MYO16: variants seen among roughly 807,000 people sequenced by gnomAD.
MYO16 encodes myosin XVI, also known as unconventional myosin-XVI.
MYO16 carries 94 observed loss-of-function variants against 205.3 expected under a neutral mutation model. That is an observed-to-expected ratio of 0.46 (90% confidence interval 0.39 to 0.54). MYO16 has a LOEUF of 0.54. MYO16 is among the 20% of genes least tolerant of loss of function. The probability of loss-of-function intolerance (pLI) is 0.00; values close to 1 mark genes in which losing one functional copy is unlikely to be tolerated. For synonymous variants in MYO16, 988 were observed against 954.0 expected (o/e 1.04, Z -0.66); for missense variants, 2,315 against 2,387.5 (o/e 0.97, Z 0.63).
intron 11 of MYO16, among the ~76,000 whole-genome samples, chr13:108,863,864 C>G (rs1878575206): frequency 6.6e-6 from 1 of 152,120 alleles, no homozygotes; most frequent in African/African-American, 2.4e-5. Context: ...AGGGAAATAA[C>G]TAATTAGAAT....
intron 4 of MYO16, among the ~76,000 whole-genome samples, chr13:108,782,165 G>A (rs982751834): frequency 6.6e-6 from 1 of 152,216 alleles, no homozygotes; most frequent in Non-Finnish European, 1.5e-5. Context: ...GAACTTCCTA[G>A]AGACTTGTTG....
intron 4 of MYO16, among the ~76,000 whole-genome samples, chr13:108,731,791 TAC>T (rs1445763133): frequency 6.6e-6 from 1 of 152,224 alleles, no homozygotes; most frequent in East Asian, 1.9e-4. Flanking sequence ...TGAGGGAAAT[TAC>T]AGTTTGTTTA....
intron 23 of MYO16, among the ~76,000 whole-genome samples, chr13:109,043,806 A>G (rs897145732): frequency 3.3e-5 from 5 of 152,174 alleles, no homozygotes; most frequent in Non-Finnish European, 5.9e-5. Context: ...AGCAGTGAAC[A>G]TGAGGAAGGA....
At chr13:109,011,494 C>CTTTTTTTTT (rs1885595407) in intron 22 of MYO16, among the ~76,000 whole-genome samples, 1 of 22,286 alleles carries the variant, frequency 4.5e-5, no homozygotes, top group Non-Finnish European at 1.3e-4. Context: ...TTTTTTCTTC[C>CTTTTTTTTT]TTTCTTTTTT....
At chr13:109,012,573 C>G (rs1594468429) in intron 22 of MYO16, among the ~76,000 whole-genome samples, 1 of 152,082 alleles carries the variant, frequency 6.6e-6, no homozygotes. Flanking sequence ...CATCCTGAAA[C>G]CATCCCCCCC....
intron 1 of MYO16, among the ~76,000 whole-genome samples, chr13:108,597,273 T>C (rs1005924764): frequency 2.6e-5 from 4 of 152,176 alleles, no homozygotes; most frequent in Non-Finnish European, 5.9e-5. Context: ...AACCAAATGA[T>C]ACTGAAGGTT....
At chr13:108,849,418 T>C (rs970704260) in intron 10 of MYO16, among the ~76,000 whole-genome samples, 5 of 152,122 alleles carry the variant, frequency 3.3e-5, no homozygotes, top group African/African-American at 1.2e-4. Flanking sequence ...CTAGAACTCC[T>C]GACCTCAGGT....
At chr13:109,169,503 A>G (rs1398905061) in intron 33 of MYO16, among the ~76,000 whole-genome samples, 1 of 152,170 alleles carries the variant, frequency 6.6e-6, no homozygotes, top group African/African-American at 2.4e-5. Flanking sequence ...GGCACAAATA[A>G]CAGATTTTAG....
chr13:108,986,214 G>A (rs277801), intron 20 of MYO16, among the ~76,000 whole-genome samples: 138,725 of 152,268 alleles, frequency 0.91, 63,253 homozygotes, highest in East Asian at 1. Context: ...GGGAGCTACA[G>A]TTCAAGATGA....
At chr13:108,712,374 A>C (rs9520976) in intron 2 of MYO16, among the ~76,000 whole-genome samples, 114,746 of 152,232 alleles carry the variant, frequency 0.75, 44,506 homozygotes, top group Middle Eastern at 0.87. Context: ...ACAATGGATG[A>C]ATACACAAGA....
At chr13:108,865,063 G>C (rs1878639207) in intron 11 of MYO16, among the ~76,000 whole-genome samples, 1 of 152,112 alleles carries the variant, frequency 6.6e-6, no homozygotes, top group Non-Finnish European at 1.5e-5. Context: ...CCTTCACACA[G>C]AGTTCAGAAG....
chr13:109,176,550 C>T (rs1249520616), intron 33 of MYO16, among the ~76,000 whole-genome samples: 1 of 93,286 alleles, frequency 1.1e-5, no homozygotes, highest in East Asian at 3.6e-4. Context: ...GCTTCTAATA[C>T]GGCAGCTAAA....
chr13:108,590,150 G>T, the MYO16 span, among the ~76,000 whole-genome samples: 5 of 152,124 alleles, frequency 3.3e-5, no homozygotes. Flanking sequence ...TTTCTAAACA[G>T]CATATTTCCA....
Position 109,125,933 on chromosome 13 carries a change from C to T in MYO16, c.3782+575C>T, listed in dbSNP as rs747453530. ...GGCTTAGCTTAAAACAGAAATGTGA[C>T]GATCACCTGGTCCCTCTCCATTTGA... On this transcript the variant is annotated intron_variant, in intron 30 of 34. Transcript: ENST00000457511. The surrounding 1 kb of genome is among the most constrained non-coding windows in gnomAD (Gnocchi z 4.0). Among the ~76,000 whole-genome samples, 1 of 152,164 alleles carries T rather than the reference C, an allele frequency of 6.6e-6. No homozygotes were observed. The highest frequency in any genetic ancestry group is 2.4e-5 in the African/African-American group (1 of 41,440).
chr13:109,183,454 T>C (rs1244557461), intron 34 of MYO16, among the ~76,000 whole-genome samples: 1 of 152,234 alleles, frequency 6.6e-6, no homozygotes, highest in African/African-American at 2.4e-5. Flanking sequence ...GCCCTTGGCA[T>C]AAAAATTTCT....
At chr13:108,581,389 C>T in the MYO16 span, among the ~76,000 whole-genome samples, 2 of 152,134 alleles carry the variant, frequency 1.3e-5, no homozygotes, top group Admixed American at 6.5e-5. Flanking sequence ...CTACATTGAA[C>T]ATCCAAACTC....
Position 109,184,293 on chromosome 13 carries a change from G to A in MYO16, c.5415+4660G>A, listed in dbSNP as rs929823710. Reference sequence around the variant, plus strand: ...TTCAGGGAATCCGTACTCACCACTCGTGACTTACAGATTATGTGCAAAAAA... The same window carrying A: ...TTCAGGGAATCCGTACTCACCACTCATGACTTACAGATTATGTGCAAAAAA... On this transcript the variant is annotated intron_variant, in intron 34 of 34. Transcript: ENST00000457511. Among the ~76,000 whole-genome samples, 9 of 152,066 alleles carry A rather than the reference G, an allele frequency of 5.9e-5. No individual in the cohort carries two copies. In the South Asian group the frequency reaches 1.2e-3, roughly 21 times the overall value.
At position 108,964,833 on chromosome 13, in the gene MYO16, A is replaced by T; in HGVS notation, c.2300A>T (p.Tyr767Phe). 6.2e-7 allele frequency: 1 copy of T among 1,614,144 alleles called. No homozygotes were observed. The change falls in exon 20 of 35, where the codon TAC becomes TTC. Residue 767 changes from tyrosine to phenylalanine, a missense_variant. By Grantham distance (22) the Tyr-to-Phe change is conservative. Around this residue, in one of 3 missense-constraint regions of MYO16, gnomAD observed 1,213 missense variants for 1,274.4 expected, o/e 0.95. Coordinates refer to ENST00000457511, the MANE Select transcript of MYO16 (RefSeq NM_001198950.3). Reference protein sequence around the residue: ...FFRDLLAKSLYSRLFSFLVNT... With the variant: ...FFRDLLAKSLFSRLFSFLVNT... Reference sequence around the variant, plus strand: ...CGAGACCTCTTGGCCAAGTCCCTGTACAGTCGTTTGTTTAGCTTTTTGGTG... The same window carrying T: ...CGAGACCTCTTGGCCAAGTCCCTGTTCAGTCGTTTGTTTAGCTTTTTGGTG...
intron 13 of MYO16, 53 bp downstream of exon 13, chr13:108,883,239 C>A: frequency 6.3e-7 from 1 of 1,586,640 alleles, no homozygotes; most frequent in Non-Finnish European, 8.6e-7. Flanking sequence ...CGGGGCTTGG[C>A]AGTAAAGATG....
Sources: allele counts gnomAD v4.1 joint callset (sites outside exome capture counted in the v4.1 genomes callset), GRCh38; gene constraint gnomAD v4.1.1; regional missense constraint gnomAD v4.1.1; non-coding constraint Gnocchi (gnomAD v3.1); transcripts MANE v1.5; gene names NCBI Gene and HGNC (gene_info 2026-07-23, HGNC 2026-07-21).